Variants in UNC13C observed in about 807,000 individuals in gnomAD.
UNC13C encodes protein unc-13 homolog C.
Under a neutral mutation model 245.4 loss-of-function variants are expected in UNC13C, and 174 were observed. That is an observed-to-expected ratio of 0.71 (90% CI 0.63 to 0.80). The LOEUF is 0.80. Ranked by LOEUF, UNC13C falls within the 30% of genes least tolerant of loss-of-function variation. UNC13C has a pLI of 0.00. For synonymous variants in UNC13C, 992 were observed against 895.1 expected (o/e 1.11, Z -1.93); for missense variants, 2,829 against 2,602.9 (o/e 1.09, Z -1.89).
chr15:54,541,820 C>G (rs973979309), intron 26 of UNC13C, among the ~76,000 whole-genome samples: 1 of 152,042 alleles, frequency 6.6e-6, no homozygotes, highest in African/African-American at 2.4e-5. Flanking sequence ...ATACCTTACA[C>G]CTATTAAAAT....
chr15:54,014,880 A>G lies in UNC13C; in HGVS notation c.1977A>G (p.Glu659=), dbSNP rs780111381. 2 of 1,613,952 alleles carry G rather than the reference A, an allele frequency of 1.2e-6. No homozygotes were observed. Among genetic ancestry groups the G allele is most frequent in the Non-Finnish European group, 1.7e-6 (2 of 1,179,842 alleles). ...SLHEDLSPWK[E]WNQGADLGLD... ...ATGAGGATCTTTCTCCATGGAAGGA[A>G]TGGAATCAAGGAGCTGATTTAGGCT... Residue 659 remains glutamate (E), a synonymous_variant, in exon 2 of 33, where the codon GAA becomes GAG. Transcript: ENST00000260323.
chr15:54,548,708 G>A (rs1896604707), intron 27 of UNC13C, among the ~76,000 whole-genome samples: 1 of 152,094 alleles, frequency 6.6e-6, no homozygotes, highest in African/African-American at 2.4e-5. Flanking sequence ...CAGTAGAAAT[G>A]CTATCTATGA....
intron 4 of UNC13C, among the ~76,000 whole-genome samples, chr15:54,233,869 T>C (rs1388824997): frequency 1.3e-5 from 2 of 152,118 alleles, no homozygotes; most frequent in African/African-American, 4.8e-5. Context: ...AAGCTGACCA[T>C]GGGCAAGAGG....
intron 19 of UNC13C, among the ~76,000 whole-genome samples, chr15:54,455,798 A>T (rs992752793): frequency 1.3e-5 from 2 of 151,988 alleles, no homozygotes; most frequent in Admixed American, 6.5e-5. Flanking sequence ...GTTTGCAAAG[A>T]TTTTCTCCCA....
intron 4 of UNC13C, among the ~76,000 whole-genome samples, chr15:54,144,048 G>A (rs1485745498): frequency 3.9e-5 from 6 of 152,102 alleles, no homozygotes; most frequent in Non-Finnish European, 5.9e-5. Context: ...AATGATATAT[G>A]TACATGAACA....
At chr15:54,384,927 A>G (rs1260673968) in intron 17 of UNC13C, among the ~76,000 whole-genome samples, 1 of 152,192 alleles carries the variant, frequency 6.6e-6, no homozygotes, top group African/African-American at 2.4e-5. Flanking sequence ...ATCACTAATC[A>G]TCAGGGAAAT....
chr15:54,347,357 A>T (rs2038881556), intron 17 of UNC13C, among the ~76,000 whole-genome samples: 1 of 152,228 alleles, frequency 6.6e-6, no homozygotes, highest in African/African-American at 2.4e-5. Flanking sequence ...CCACAAGAAG[A>T]TGTCAAAAAC....
intron 4 of UNC13C, among the ~76,000 whole-genome samples, chr15:54,223,781 T>A (rs1186226646): frequency 6.6e-6 from 1 of 152,014 alleles, no homozygotes; most frequent in Non-Finnish European, 1.5e-5. Flanking sequence ...ATGGAATATT[T>A]TTCTGTTTTT....
Position 54,555,974 on chromosome 15 carries a change from AATTTC to A in UNC13C, c.5958+472_5958+476del, listed in dbSNP as rs1303080968. On this transcript the variant is annotated intron_variant, in intron 29 of 32. Coordinates refer to ENST00000260323, the MANE Select transcript of UNC13C (RefSeq NM_001080534.3). ...TCCCTTCTCGCTTAGTAAGTACAAT[AATTTC>A]ATTTCATTTTCTGCTGAATACCCAA... 3.3e-5 allele frequency among the ~76,000 whole-genome samples: 5 copies of A among 152,126 alleles called. No individual in the cohort carries two copies. In the East Asian group the frequency reaches 7.7e-4, roughly 24 times the overall value.
At chr15:54,372,941 G>C (rs1452131024) in intron 17 of UNC13C, among the ~76,000 whole-genome samples, 1 of 152,162 alleles carries the variant, frequency 6.6e-6, no homozygotes, top group Non-Finnish European at 1.5e-5. Flanking sequence ...ATGAACTATG[G>C]TACTGGATAG....
At chr15:54,354,114 A>G (rs77903194) in intron 17 of UNC13C, among the ~76,000 whole-genome samples, 1,808 of 152,262 alleles carry the variant, frequency 0.012, 41 homozygotes, top group African/African-American at 0.041. Flanking sequence ...GCTCCCATCA[A>G]TTAGGAAGCT....
chr15:54,410,667 A>G (rs904301290), intron 18 of UNC13C, among the ~76,000 whole-genome samples: 5 of 151,912 alleles, frequency 3.3e-5, no homozygotes, highest in African/African-American at 1.2e-4. Context: ...AGATGGTTGT[A>G]GGTGTGTGGC....
chr15:54,522,183 C>A (rs1308776109), intron 24 of UNC13C, among the ~76,000 whole-genome samples: 1 of 151,910 alleles, frequency 6.6e-6, no homozygotes, highest in Admixed American at 6.6e-5. Flanking sequence ...TAAAAGATGT[C>A]TTTCTGGCCA....
the UNC13C span, among the ~76,000 whole-genome samples, chr15:53,898,195 A>ACCACCACC: frequency 7.6e-5 from 10 of 132,094 alleles, 1 homozygote; most frequent in Admixed American, 7.7e-4. Context: ...TGACCACCAC[A>ACCACCACC]ACCACCACCA....
chr15:53,895,277 T>C, the UNC13C span, among the ~76,000 whole-genome samples: 49 of 134,858 alleles, frequency 3.6e-4, no homozygotes, highest in African/African-American at 5.7e-4. Context: ...GGAAGGAGAA[T>C]AGCTTGAACC....
At chr15:54,025,642 C>T (rs568070921) in intron 2 of UNC13C, among the ~76,000 whole-genome samples, 39 of 152,122 alleles carry the variant, frequency 2.6e-4, no homozygotes, top group Non-Finnish European at 4.3e-4. Flanking sequence ...AATTAAGTGT[C>T]GGTGTTCAAC....
chr15:53,866,021 T>G, the UNC13C span, among the ~76,000 whole-genome samples: 113,597 of 152,044 alleles, frequency 0.75, 44,244 homozygotes, highest in Middle Eastern at 0.88. Flanking sequence ...ACAGTAGAAT[T>G]ACCACAAAGA....
At chr15:54,114,439 T>C (rs1002806356) in intron 2 of UNC13C, among the ~76,000 whole-genome samples, 2 of 152,142 alleles carry the variant, frequency 1.3e-5, no homozygotes, top group African/African-American at 4.8e-5. Context: ...TTTAAATTTT[T>C]TATACAAATG....
chr15:53,970,052 CTT>C, the UNC13C span, among the ~76,000 whole-genome samples: 17 of 143,426 alleles, frequency 1.2e-4, no homozygotes, highest in African/African-American at 1.0e-4. Flanking sequence ...ACAAGTTTTC[CTT>C]TTTTTTTTTT....
Sources: allele counts gnomAD v4.1 joint callset (sites outside exome capture counted in the v4.1 genomes callset), GRCh38; gene constraint gnomAD v4.1.1; transcripts MANE v1.5; gene names NCBI Gene and HGNC (gene_info 2026-07-23, HGNC 2026-07-21).